CHRM3: variants seen among roughly 807,000 people sequenced by gnomAD.
The protein encoded by CHRM3 is muscarinic acetylcholine receptor M3.
CHRM3 carries 11 observed loss-of-function variants against 41.8 expected under a neutral mutation model. That is an observed-to-expected ratio of 0.26 (90% CI 0.17 to 0.44). The LOEUF (loss-of-function observed/expected upper bound fraction) is 0.44. Among genes scored for constraint, CHRM3 ranks in the 20% least tolerant of loss-of-function variants. The pLI, the probability that CHRM3 is intolerant of heterozygous loss-of-function variation, is 1.00. For synonymous variants in CHRM3, 297 were observed against 301.4 expected (o/e 0.99, Z 0.15); for missense variants, 571 against 745.4 (o/e 0.77, Z 2.72).
chr1:239,663,777 A>C (rs1673499010), intron 4 of CHRM3, among the ~76,000 whole-genome samples: 1 of 152,210 alleles, frequency 6.6e-6, no homozygotes, highest in East Asian at 1.9e-4. Flanking sequence ...ACACTTTAAA[A>C]ATACATATTC....
chr1:239,618,684 A>T (rs1450266698), intron 3 of CHRM3, among the ~76,000 whole-genome samples: 1 of 150,750 alleles, frequency 6.6e-6, no homozygotes, highest in Non-Finnish European at 1.5e-5. Flanking sequence ...CTCTACTAAA[A>T]ATACAAAAAA....
intron 5 of CHRM3, among the ~76,000 whole-genome samples, chr1:239,763,347 G>T (rs1666949908): frequency 6.6e-6 from 1 of 152,152 alleles, no homozygotes; most frequent in African/African-American, 2.4e-5. Context: ...CATGCAAATA[G>T]CTCCTTTGAC....
chr1:239,788,323 A>T (rs548455605), intron 5 of CHRM3, among the ~76,000 whole-genome samples: 127 of 152,330 alleles, frequency 8.3e-4, no homozygotes, highest in African/African-American at 2.9e-3. Context: ...TAATATTGAG[A>T]AAGCAGACAA....
At chr1:239,543,716 G>A (rs1659013362) in intron 2 of CHRM3, among the ~76,000 whole-genome samples, 1 of 151,984 alleles carries the variant, frequency 6.6e-6, no homozygotes, top group East Asian at 1.9e-4. Flanking sequence ...CACCATGTTA[G>A]CCAGGATGGT....
intron 1 of CHRM3, among the ~76,000 whole-genome samples, chr1:239,389,499 A>C (rs147101735): frequency 5.9e-5 from 9 of 152,340 alleles, no homozygotes; most frequent in African/African-American, 2.2e-4. Flanking sequence ...TAACAAAGAA[A>C]ATTTGTTATA....
chr1:239,814,567 G>A (rs1671413071), intron 5 of CHRM3, among the ~76,000 whole-genome samples: 1 of 152,192 alleles, frequency 6.6e-6, no homozygotes, highest in South Asian at 2.1e-4. Flanking sequence ...CATTCAAGAT[G>A]CCAATGAGAT....
chr1:239,899,476 G>A (rs561747084), intron 6 of CHRM3, among the ~76,000 whole-genome samples: 1 of 131,482 alleles, frequency 7.6e-6, no homozygotes, highest in East Asian at 2.2e-4. Context: ...ATATATGTGT[G>A]TATATATACT....
intron 3 of CHRM3, among the ~76,000 whole-genome samples, chr1:239,606,574 G>A (rs1016879327): frequency 1.1e-4 from 16 of 152,100 alleles, no homozygotes; most frequent in African/African-American, 9.7e-5. Context: ...GCGCCTGACC[G>A]TAGATTTCTA....
At chr1:239,656,174 A>G (rs2148989850) in intron 4 of CHRM3, among the ~76,000 whole-genome samples, 1 of 152,094 alleles carries the variant, frequency 6.6e-6, no homozygotes, top group East Asian at 1.9e-4. Flanking sequence ...GAAGGGGGGG[A>G]AAGGGTTGAA....
chr1:239,605,130 T>A lies in CHRM3; in HGVS notation c.-312-27094T>A, dbSNP rs73122657. 0.011 allele frequency among the ~76,000 whole-genome samples: 1,657 copies of A among 152,252 alleles called. 51 individuals are homozygous for A. In the East Asian group the frequency reaches 0.11, roughly 10 times the overall value. On this transcript the variant is annotated intron_variant, in intron 3 of 6. Transcript: ENST00000676153. ...TTCATGAAGTCATGTAAGGATTGAGTTACACTGATTGCTAGGAAGAGCCAC... is the reference window on the plus strand; with the variant it reads ...TTCATGAAGTCATGTAAGGATTGAGATACACTGATTGCTAGGAAGAGCCAC...
At chr1:239,649,352 C>T (rs1314154885) in intron 4 of CHRM3, among the ~76,000 whole-genome samples, 1 of 152,124 alleles carries the variant, frequency 6.6e-6, no homozygotes, top group Admixed American at 6.5e-5. Flanking sequence ...TTCCCAGTCT[C>T]CAGAATCATG....
chr1:239,675,913 A>G (rs777311562), intron 4 of CHRM3, among the ~76,000 whole-genome samples: 1 of 152,186 alleles, frequency 6.6e-6, no homozygotes, highest in Non-Finnish European at 1.5e-5. Flanking sequence ...TCCCAGCTTC[A>G]GCAACTGTAT....
intron 5 of CHRM3, among the ~76,000 whole-genome samples, chr1:239,700,979 T>C (rs1291911499): frequency 6.6e-6 from 1 of 152,192 alleles, no homozygotes; most frequent in African/African-American, 2.4e-5. Flanking sequence ...CCATCTCCCT[T>C]ATCCTAACTA....
At chr1:239,667,022 A>G (rs1435369679) in intron 4 of CHRM3, among the ~76,000 whole-genome samples, 1 of 152,090 alleles carries the variant, frequency 6.6e-6, no homozygotes, top group Non-Finnish European at 1.5e-5. Context: ...TGGCTGCGTG[A>G]CACTCTTTTC....
At chr1:239,611,397 A>G (rs1667013589) in intron 3 of CHRM3, among the ~76,000 whole-genome samples, 1 of 148,976 alleles carries the variant, frequency 6.7e-6, no homozygotes, top group South Asian at 2.1e-4. Flanking sequence ...CACTGACCAA[A>G]TCCAAGGTTT....
chr1:239,456,028 TG>T (rs1217229362), intron 1 of CHRM3, among the ~76,000 whole-genome samples: 2 of 152,048 alleles, frequency 1.3e-5, no homozygotes, highest in Admixed American at 6.6e-5. Flanking sequence ...AGTGGGGAGT[TG>T]GGGGCAGTGC....
At chr1:239,657,418 CTG>C (rs1672810490) in intron 4 of CHRM3, among the ~76,000 whole-genome samples, 1 of 152,136 alleles carries the variant, frequency 6.6e-6, no homozygotes. Flanking sequence ...AGAACAAAAA[CTG>C]AGAGAGGCCA....
At chr1:239,550,320 C>T (rs1356868602) in intron 3 of CHRM3, among the ~76,000 whole-genome samples, 1 of 152,124 alleles carries the variant, frequency 6.6e-6, no homozygotes, top group Non-Finnish European at 1.5e-5. Context: ...GTGTGCATGC[C>T]TATATTATAA....
At chr1:239,750,527 C>T (rs936751663) in intron 5 of CHRM3, among the ~76,000 whole-genome samples, 24 of 152,280 alleles carry the variant, frequency 1.6e-4, no homozygotes, top group African/African-American at 2.4e-4. Flanking sequence ...TGCCTCCTCA[C>T]GTATTTGAAG....
Sources: gnomAD v4.1 joint callset for allele counts (sites outside exome capture counted in the v4.1 genomes callset) on GRCh38, gnomAD v4.1.1 for gene constraint, MANE v1.5 for transcripts, NCBI Gene and HGNC (gene_info 2026-07-23, HGNC 2026-07-21) for gene names.